Variants in ZNF385B observed in about 807,000 individuals in gnomAD.
ZNF385B encodes the protein zinc finger protein 533.
In ZNF385B, 23 loss-of-function variants were observed where a neutral mutation model predicts 39.2. The ratio of observed to expected loss-of-function variants is 0.59; its 90% CI spans 0.42 to 0.83. The LOEUF (loss-of-function observed/expected upper bound fraction) is 0.83. Ranked by LOEUF, ZNF385B falls within the 40% of genes least tolerant of loss-of-function variation. The probability of loss-of-function intolerance (pLI) is 0.00; values close to 1 mark genes in which losing one functional copy is unlikely to be tolerated. For synonymous variants in ZNF385B, 205 were observed against 222.6 expected, an observed-to-expected ratio of 0.92 and a Z score of 0.70; for missense variants, 552 against 598.9, an observed-to-expected ratio of 0.92 and a Z score of 0.82.
At chr2:179,682,293 G>A (rs1026334416) in intron 3 of ZNF385B, among the ~76,000 whole-genome samples, 5 of 152,170 alleles carry the variant, frequency 3.3e-5, no homozygotes, top group African/African-American at 1.2e-4. Context: ...CTTTATTTAA[G>A]ATCTTTCCCT....
At chr2:179,706,303 C>T (rs934591204) in intron 3 of ZNF385B, among the ~76,000 whole-genome samples, 6 of 152,138 alleles carry the variant, frequency 3.9e-5, no homozygotes, top group East Asian at 1.9e-4. Flanking sequence ...TTTTTACAAG[C>T]GGTAGCAGTT....
intron 1 of ZNF385B, among the ~76,000 whole-genome samples, chr2:179,798,939 T>A (rs1341658442): frequency 6.6e-6 from 1 of 152,124 alleles, no homozygotes. Context: ...TTGCCCTTTC[T>A]TTCCCTAAAA....
intron 3 of ZNF385B, among the ~76,000 whole-genome samples, chr2:179,700,588 A>G (rs1699116335): frequency 6.6e-6 from 1 of 152,250 alleles, no homozygotes; most frequent in Admixed American, 6.5e-5. Context: ...GTAGAGTGCT[A>G]TAGCAAAGAA....
chr2:179,637,658 T>A (rs1361802804), intron 3 of ZNF385B, among the ~76,000 whole-genome samples: 1 of 139,986 alleles, frequency 7.1e-6, no homozygotes, highest in Non-Finnish European at 1.5e-5. Context: ...ATTTTACAGA[T>A]GAAGAGGACA....
chr2:179,766,219 C>T (rs1005483160), intron 3 of ZNF385B, among the ~76,000 whole-genome samples: 1 of 152,116 alleles, frequency 6.6e-6, no homozygotes, highest in African/African-American at 2.4e-5. Flanking sequence ...AAGTCTCAAC[C>T]ATCACCCTGT....
intron 3 of ZNF385B, among the ~76,000 whole-genome samples, chr2:179,697,884 C>T (rs1418306484): frequency 2.0e-5 from 3 of 152,070 alleles, no homozygotes; most frequent in African/African-American, 7.2e-5. Context: ...AGTTCATGTC[C>T]TTTGTAGGGA....
intron 5 of ZNF385B, among the ~76,000 whole-genome samples, chr2:179,488,167 C>A (rs920039098): frequency 6.6e-6 from 1 of 151,230 alleles, no homozygotes; most frequent in Non-Finnish European, 1.5e-5. Context: ...TTTTTTGAGA[C>A]GGAGCCTCAC....
chr2:179,840,012 G>C (rs1442427902), intron 1 of ZNF385B, among the ~76,000 whole-genome samples: 1 of 152,214 alleles, frequency 6.6e-6, no homozygotes, highest in East Asian at 1.9e-4. Flanking sequence ...GGAATACAAA[G>C]AGGTCAGCTT....
intron 3 of ZNF385B, among the ~76,000 whole-genome samples, chr2:179,716,604 C>A (rs771392872): frequency 1.3e-5 from 2 of 152,182 alleles, no homozygotes; most frequent in Admixed American, 6.5e-5. Flanking sequence ...TCTTCTAGAA[C>A]CTTCAATTCT....
At chr2:179,808,316 G>A (rs1000361172) in intron 1 of ZNF385B, among the ~76,000 whole-genome samples, 73 of 152,318 alleles carry the variant, frequency 4.8e-4, no homozygotes, top group African/African-American at 1.7e-3. Context: ...ACAGGCGTGA[G>A]CCACCGCACC....
intron 3 of ZNF385B, among the ~76,000 whole-genome samples, chr2:179,704,319 T>C (rs942319798): frequency 6.6e-6 from 1 of 152,192 alleles, no homozygotes; most frequent in Admixed American, 6.5e-5. Context: ...TGTATCTGCA[T>C]AGAGAAAGTC....
chr2:179,635,425 C>T (rs1486757755), intron 3 of ZNF385B, among the ~76,000 whole-genome samples: 1 of 151,632 alleles, frequency 6.6e-6, no homozygotes, highest in African/African-American at 2.4e-5. Context: ...GGAGAAATAC[C>T]TAATGTGAAT....
At chr2:179,594,074 G>A (rs186319732) in intron 3 of ZNF385B, among the ~76,000 whole-genome samples, 15 of 152,252 alleles carry the variant, frequency 9.9e-5, no homozygotes, top group African/African-American at 3.4e-4. Flanking sequence ...ACCAAGGAAA[G>A]CAAAATCAGT....
At chr2:179,805,159 T>C (rs920295682) in intron 1 of ZNF385B, among the ~76,000 whole-genome samples, 7 of 152,062 alleles carry the variant, frequency 4.6e-5, no homozygotes, top group African/African-American at 1.7e-4. Flanking sequence ...GCCACTGTAC[T>C]AGGAAAAAAC....
chr2:179,456,954 T>C (rs760606314), intron 6 of ZNF385B, among the ~76,000 whole-genome samples: 1 of 152,190 alleles, frequency 6.6e-6, no homozygotes, highest in African/African-American at 2.4e-5. Context: ...ATAAATTTAA[T>C]ACATTTTAAT....
intron 3 of ZNF385B, among the ~76,000 whole-genome samples, chr2:179,564,877 C>T (rs1242934964): frequency 6.6e-6 from 1 of 152,138 alleles, no homozygotes; most frequent in Non-Finnish European, 1.5e-5. Context: ...CTGCCCCTAT[C>T]CCCTCACCTC....
In ZNF385B at chr2:179,552,192, G is replaced by A. The variant is rs1034542627; in HGVS notation, c.299-7223C>T. Among the ~76,000 whole-genome samples the A allele has an allele frequency of 2.0e-5, 3 of 148,926 alleles. 1 individual carries two copies. The highest frequency in any genetic ancestry group is 7.6e-5 in the African/African-American group (3 of 39,504). On this transcript the variant is annotated intron_variant, in intron 3 of 9. Coordinates refer to ENST00000410066, the MANE Select transcript of ZNF385B (RefSeq NM_152520.6). The stretch of plus-strand genomic sequence containing the variant: ...ACCTGAAATTATTGCCTTAGTCTTT[G>A]GCCTTTAGATATATAATCTTAAAAG...
At chr2:179,520,966 A>G (rs1205451388) in intron 4 of ZNF385B, among the ~76,000 whole-genome samples, 1 of 152,228 alleles carries the variant, frequency 6.6e-6, no homozygotes, top group Non-Finnish European at 1.5e-5. Flanking sequence ...AACTTTCCTC[A>G]AAGTGAATCC....
chr2:179,693,718 T>C (rs970814984), intron 3 of ZNF385B, among the ~76,000 whole-genome samples: 1 of 152,164 alleles, frequency 6.6e-6, no homozygotes, highest in Non-Finnish European at 1.5e-5. Context: ...TACGAACAGA[T>C]TGACAGAACC....
Sources: allele counts gnomAD v4.1 joint callset (sites outside exome capture counted in the v4.1 genomes callset), GRCh38; gene constraint gnomAD v4.1.1; transcripts MANE v1.5; gene names NCBI Gene and HGNC (gene_info 2026-07-23, HGNC 2026-07-21).